Variants in KIZ observed in about 807,000 individuals in gnomAD.
KIZ encodes the protein kizuna centrosomal protein.
KIZ carries 68 observed loss-of-function variants against 79.6 expected under a neutral mutation model. The observed-to-expected ratio is 0.85, with a 90% confidence interval of 0.70 to 1.05. KIZ has a LOEUF of 1.05. Among genes scored for constraint, KIZ ranks in the 50% least tolerant of loss-of-function variants. KIZ has a pLI of 0.00. For synonymous variants in KIZ, 280 were observed against 281.8 expected, an observed-to-expected ratio of 0.99 and a Z score of 0.06; for missense variants, 797 against 800.4, an observed-to-expected ratio of 1.00 and a Z score of 0.05.
chr20:21,214,301 T>G (rs1435086659), intron 7 of KIZ, among the ~76,000 whole-genome samples: 1 of 152,140 alleles, frequency 6.6e-6, no homozygotes, highest in Non-Finnish European at 1.5e-5. Flanking sequence ...TTACATAAGA[T>G]TCAGCCCTCA....
intron 9 of KIZ, among the ~76,000 whole-genome samples, chr20:21,218,857 G>T (rs1300451696): frequency 1.3e-5 from 2 of 152,170 alleles, no homozygotes; most frequent in Admixed American, 1.3e-4. Context: ...GGCTACCTTA[G>T]TGTAACTACA....
At chr20:21,167,561 T>TC (rs1487730369) in intron 6 of KIZ, among the ~76,000 whole-genome samples, 3 of 135,582 alleles carry the variant, frequency 2.2e-5, no homozygotes, top group Admixed American at 7.1e-5. Context: ...TTGTTTCGCT[T>TC]TTTTTTTTTT....
intron 3 of KIZ, chr20:21,139,043 G>GCAAGCGTGTT (rs1422154099): frequency 6.9e-6 from 1 of 145,344 alleles, no homozygotes; most frequent in East Asian, 2.0e-4. Flanking sequence ...TCAGATGAGA[G>GCAAGCGTGTT]CAAGCGTGTT....
chr20:21,189,203 G>T (rs1465918484), intron 6 of KIZ, among the ~76,000 whole-genome samples: 2 of 152,032 alleles, frequency 1.3e-5, no homozygotes, highest in Admixed American at 6.5e-5. Flanking sequence ...ACCCTTCTAT[G>T]GCTGCTGATT....
chr20:21,145,600 C>A lies in KIZ; in HGVS notation c.351C>A (p.Cys117Ter). 6.6e-7 allele frequency: 1 copy of A among 1,526,716 alleles called. No individual in the cohort carries two copies. The highest frequency in any genetic ancestry group is 8.9e-7 in the Non-Finnish European group (1 of 1,129,900). The allele number at this position is 1,526,716 out of a possible 1,614,324, so 94.6% of individuals were successfully genotyped here. A position where few individuals can be genotyped will look rare whatever the true frequency, so the allele number is the denominator to read the frequency against. The change falls in exon 4 of 13, where the codon TGC becomes TGA. Residue 117 changes from cysteine (C) to a stop codon, truncating the protein, a stop_gained. Transcript: ENST00000619189. LOFTEE classifies it high-confidence loss of function. ...AGACTCAAATTAAGAAGATGCTATGCTCAAAAGATAGCCTGGGACTAAAAG... is the reference window on the plus strand; with the variant it reads ...AGACTCAAATTAAGAAGATGCTATGATCAAAAGATAGCCTGGGACTAAAAG... ...EYETQIKKMLCSKDSLGLKEE... is the reference protein window; with the variant it reads ...EYETQIKKML
intron 9 of KIZ, among the ~76,000 whole-genome samples, chr20:21,227,363 G>A (rs1435706479): frequency 6.6e-6 from 1 of 152,098 alleles, no homozygotes; most frequent in Non-Finnish European, 1.5e-5. Flanking sequence ...AGCTTCCAGT[G>A]GCCAGGAGGC....
intron 11 of KIZ, among the ~76,000 whole-genome samples, chr20:21,234,117 A>G (rs1600612858): frequency 6.6e-6 from 1 of 152,292 alleles, no homozygotes; most frequent in East Asian, 1.9e-4. Flanking sequence ...TTCTTCCTAA[A>G]CAGTCTTTAC....
chr20:21,177,817 G>A (rs151073322), intron 6 of KIZ, among the ~76,000 whole-genome samples: 193 of 152,100 alleles, frequency 1.3e-3, no homozygotes, highest in African/African-American at 4.6e-3. Context: ...TCCCAATACC[G>A]TATGTTAAAA....
intron 7 of KIZ, among the ~76,000 whole-genome samples, chr20:21,212,790 C>T (rs956665030): frequency 6.6e-6 from 1 of 152,260 alleles, no homozygotes; most frequent in Non-Finnish European, 1.5e-5. Flanking sequence ...GTAGTAGATT[C>T]CAGAAGCAGG....
rs58592492 is a variant in KIZ, at chr20:21,211,540, A to G, written c.1447-2995A>G. On this transcript the variant is annotated intron_variant, in intron 7 of 12. Coordinates refer to ENST00000619189, the MANE Select transcript of KIZ (RefSeq NM_018474.6). Reference sequence around the variant, plus strand: ...ATAGTTCAATCATAAGCACTATCAGAAAGCCTGTGGTAAAATTGTTGTCTA... The same window carrying G: ...ATAGTTCAATCATAAGCACTATCAGGAAGCCTGTGGTAAAATTGTTGTCTA... Among the ~76,000 whole-genome samples the G allele has an allele frequency of 5.8e-3, 879 of 152,348 alleles. 26 individuals carry two copies. Among genetic ancestry groups the G allele is most frequent in the Admixed American group, 0.037 (563 of 15,300 alleles).
intron 6 of KIZ, among the ~76,000 whole-genome samples, chr20:21,175,286 T>G (rs1028658227): frequency 6.6e-6 from 1 of 152,236 alleles, no homozygotes; most frequent in African/African-American, 2.4e-5. Context: ...ATTATCCTTA[T>G]TTTGGTCTAA....
intron 6 of KIZ, among the ~76,000 whole-genome samples, chr20:21,178,275 G>A (rs2034517472): frequency 6.6e-6 from 1 of 151,792 alleles, no homozygotes; most frequent in African/African-American, 2.4e-5. Flanking sequence ...GTAGTTTTTA[G>A]CATGGAAGTC....
Position 21,162,048 on chromosome 20 carries a change from CGACA to C in KIZ, c.589_592del (p.Thr197ProfsTer6). ...TTCAATTCCTGACCCACATTCACAC[CGACA>C]GACAGCCCAGAGCAGTAATGTGACA... On this transcript the variant is annotated frameshift_variant, in exon 5 of 13. Coordinates refer to ENST00000619189, the MANE Select transcript of KIZ (RefSeq NM_018474.6). LOFTEE classifies it high-confidence loss of function. 1.2e-6 allele frequency: 2 copies of C among 1,613,866 alleles called. No individual in the cohort carries two copies. Among genetic ancestry groups the C allele is most frequent in the Non-Finnish European group, 8.5e-7 (1 of 1,179,826 alleles).
chr20:21,170,356 C>T (rs1255147048), intron 6 of KIZ, among the ~76,000 whole-genome samples: 1 of 150,942 alleles, frequency 6.6e-6, no homozygotes, highest in Non-Finnish European at 1.5e-5. Flanking sequence ...TTACTATAGT[C>T]ATCCTTTTGT....
chr20:21,187,534 C>T (rs184351086), intron 6 of KIZ, among the ~76,000 whole-genome samples: 2 of 152,254 alleles, frequency 1.3e-5, no homozygotes, highest in East Asian at 3.9e-4. Context: ...GCCTATCCAC[C>T]GTGCCATCAT....
Position 21,161,965 on chromosome 20 carries a change from T to C in KIZ, c.500T>C (p.Ile167Thr). The stretch of plus-strand genomic sequence containing the variant: ...TTTATGGGCCGCCAAATGTCAGCCA[T>C]CTTAAGCATGAGAGATTTCAGTACA... ...TIFMGRQMSA[I>T]LSMRDFSTEH... The change falls in exon 5 of 13, where the codon ATC becomes ACC. Residue 167 changes from isoleucine to threonine, a missense_variant. Physicochemically the swap from Ile to Thr is moderately conservative, Grantham distance 89. Coordinates refer to ENST00000619189, the MANE Select transcript of KIZ (RefSeq NM_018474.6). 6.2e-7 allele frequency: 1 copy of C among 1,613,954 alleles called. No homozygotes were observed. Among genetic ancestry groups the C allele is most frequent in the East Asian group, 2.2e-5 (1 of 44,874 alleles).
At chr20:21,142,464 G>A (rs1008005502) in intron 3 of KIZ, among the ~76,000 whole-genome samples, 1 of 152,012 alleles carries the variant, frequency 6.6e-6, no homozygotes, top group African/African-American at 2.4e-5. Context: ...TATGGACCAT[G>A]AACTACTACT....
At chr20:21,215,553 C>A in intron 8 of KIZ, 30 bp from the exon 9 acceptor site, 5 of 1,369,912 alleles carry the variant, frequency 3.6e-6, no homozygotes, top group East Asian at 2.4e-5. Flanking sequence ...CTTTGAAATA[C>A]TTTTTTTTTA....
At chr20:21,158,566 T>C (rs1235616291) in intron 4 of KIZ, 2 of 152,200 alleles carry the variant, frequency 1.3e-5, no homozygotes, top group Non-Finnish European at 2.9e-5. Context: ...AAATTGGATA[T>C]AATAAAAACT....
Sources: gnomAD v4.1 joint callset for allele counts (sites outside exome capture counted in the v4.1 genomes callset) on GRCh38, gnomAD v4.1.1 for gene constraint, MANE v1.5 for transcripts, NCBI Gene and HGNC (gene_info 2026-07-23, HGNC 2026-07-21) for gene names.